KCTD1: variants seen among roughly 807,000 people sequenced by gnomAD.
The protein encoded by KCTD1 is potassium channel tetramerization domain containing 1.
KCTD1 carries 24 observed loss-of-function variants against 66.0 expected under a neutral mutation model. That is an observed-to-expected ratio of 0.36 (90% CI 0.26 to 0.51). The LOEUF is 0.51. Among genes scored for constraint, KCTD1 ranks in the 20% least tolerant of loss-of-function variants. The pLI is 0.95. For synonymous variants in KCTD1, 511 were observed against 517.2 expected (o/e 0.99, Z 0.16); for missense variants, 943 against 1,205.2 (o/e 0.78, Z 3.22).
rs1987167450 is a variant in KCTD1 at position 26,612,920 on chromosome 18, G to T, written c.-16+16227C>A. On this transcript the variant is annotated intron_variant, in intron 1 of 4. Coordinates refer to the KCTD1 transcript ENST00000317932. ...TTGTTTTAGGTGGAAGGGTAAATGT[G>T]GTCCTTGTTATTATTGTTTGTTGGC... Among the ~76,000 whole-genome samples, 3 of 152,080 alleles carry T rather than the reference G, an allele frequency of 2.0e-5. No individual in the cohort carries two copies. The East Asian group carries it at 5.8e-4, about 29-fold the overall frequency.
chr18:26,473,154 A>G (rs1458046395), intron 3 of KCTD1, among the ~76,000 whole-genome samples: 1 of 152,146 alleles, frequency 6.6e-6, no homozygotes, highest in East Asian at 1.9e-4. Flanking sequence ...AACTGTATAT[A>G]CTATATTGAA....
At chr18:26,570,191 A>AAAAAATATATAT (rs776923644) in intron 1 of KCTD1, among the ~76,000 whole-genome samples, 7 of 132,528 alleles carry the variant, frequency 5.3e-5, no homozygotes, top group Admixed American at 2.4e-4. Flanking sequence ...ATCTAAAAAA[A>AAAAAATATATAT]ATATATATAT....
chr18:26,641,086 C>G (rs1301214459), upstream of KCTD1, among the ~76,000 whole-genome samples: 1 of 152,162 alleles, frequency 6.6e-6, no homozygotes, highest in African/African-American at 2.4e-5. Flanking sequence ...ACCTGCAGTT[C>G]ATCTCACTGT....
In KCTD1 at chr18:26,547,062, G is replaced by A. The variant is rs1985270037; in HGVS notation, c.1475C>T (p.Ser492Phe). 2.9e-6 allele frequency: 4 copies of A among 1,397,662 alleles called. No homozygotes were observed. The highest frequency in any genetic ancestry group is 2.0e-6 in the Non-Finnish European group (2 of 1,025,410). 86.6% of individuals were successfully genotyped at this position (1,397,662 alleles called of 1,614,324 possible). Residue 492 changes from serine (S) to phenylalanine (F), a missense_variant, in exon 1 of 5, where the codon TCC (serine) becomes TTC (phenylalanine). Around this residue, in one of 10 missense-constraint regions of KCTD1, gnomAD observed 197 missense variants for 182.7 expected, o/e 1.08. Transcript: ENST00000580059. ...EALNGAARHH[S>F]HHPPTHPSHH... ...GGAGGGATGGGTGGGGGGGTGGTGGGAGTGGTGCCGTGCCGCCCCGTTCAG... is the reference window on the plus strand; with the variant it reads ...GGAGGGATGGGTGGGGGGGTGGTGGAAGTGGTGCCGTGCCGCCCCGTTCAG...
intron 1 of KCTD1, among the ~76,000 whole-genome samples, chr18:26,592,019 T>C (rs932099597): frequency 6.6e-6 from 1 of 152,238 alleles, no homozygotes; most frequent in Non-Finnish European, 1.5e-5. Flanking sequence ...AGTTACTGTG[T>C]AAGTAACTAC....
exon 1 of KCTD1, chr18:26,629,163 G>A: frequency 1.0e-6 from 1 of 984,908 alleles, no homozygotes; most frequent in South Asian, 4.7e-5. Flanking sequence ...TGATGGATTT[G>A]CCTTTATTCA....
At chr18:26,655,243 G>A (rs1056893415) in intron 1 of KCTD1, among the ~76,000 whole-genome samples, 11 of 152,188 alleles carry the variant, frequency 7.2e-5, no homozygotes, top group African/African-American at 2.7e-4. Context: ...CTCTTAAGGA[G>A]TCTACTGCTG....
At chr18:26,657,042 C>G (rs1377599306) in intron 1 of KCTD1, among the ~76,000 whole-genome samples, 1 of 150,646 alleles carries the variant, frequency 6.6e-6, no homozygotes, top group Non-Finnish European at 1.5e-5. Flanking sequence ...CCCAGAGATC[C>G]GGAAACCCGG....
chr18:26,578,731 T>C (rs1057502699), intron 1 of KCTD1, among the ~76,000 whole-genome samples: 3 of 152,222 alleles, frequency 2.0e-5, no homozygotes, highest in Non-Finnish European at 4.4e-5. Flanking sequence ...CATAATTACA[T>C]ATGACTTCTC....
upstream of KCTD1, chr18:26,549,694 C>T: frequency 5.1e-6 from 5 of 984,286 alleles, no homozygotes; most frequent in Non-Finnish European, 6.0e-6. Flanking sequence ...GCCGCAGCCA[C>T]AATTCGGCAA....
At chr18:26,483,353 C>T (rs1462129655) in intron 2 of KCTD1, among the ~76,000 whole-genome samples, 2 of 152,188 alleles carry the variant, frequency 1.3e-5, no homozygotes, top group Non-Finnish European at 2.9e-5. Flanking sequence ...ACTGCAACCT[C>T]TGCCTCCTGG....
chr18:26,566,925 C>T (rs1443711522), intron 1 of KCTD1: 2 of 151,852 alleles, frequency 1.3e-5, no homozygotes, highest in East Asian at 3.9e-4. Context: ...GATTTGTGCC[C>T]CAGTGTCCCT....
chr18:26,524,194 G>C (rs1395899082), intron 1 of KCTD1, among the ~76,000 whole-genome samples: 2 of 152,222 alleles, frequency 1.3e-5, no homozygotes, highest in African/African-American at 4.8e-5. Context: ...CTTTCCAGCA[G>C]GGGTAGGGGG....
chr18:26,508,727 C>CTT lies in KCTD1; in HGVS notation c.1810-7478_1810-7477insAA, dbSNP rs1179858851. 3.3e-5 allele frequency among the ~76,000 whole-genome samples: 5 copies of CTT among 151,034 alleles called. No individual in the cohort carries two copies. The East Asian group carries it at 5.8e-4, about 18-fold the overall frequency. On this transcript the variant is annotated intron_variant, in intron 1 of 4. Coordinates refer to ENST00000580059, the MANE Select transcript of KCTD1 (RefSeq NM_001142730.3). ...AATATATTTCTCTCTCTCTCTCTCTCTCACACACACACACACACGCACAAC... is the reference window on the plus strand; with the variant it reads ...AATATATTTCTCTCTCTCTCTCTCTCTTTCACACACACACACACACGCACAAC...
chr18:26,527,333 T>C (rs1447805451), intron 1 of KCTD1, among the ~76,000 whole-genome samples: 1 of 152,196 alleles, frequency 6.6e-6, no homozygotes, highest in East Asian at 1.9e-4. Flanking sequence ...AATGACTTAC[T>C]GCTTTAGTGT....
intron 1 of KCTD1, among the ~76,000 whole-genome samples, chr18:26,510,097 G>A (rs1983258913): frequency 6.6e-6 from 1 of 152,222 alleles, no homozygotes; most frequent in Non-Finnish European, 1.5e-5. Flanking sequence ...TATGGGCCTA[G>A]CGAGAAGTAC....
intron 1 of KCTD1, among the ~76,000 whole-genome samples, chr18:26,616,353 T>A (rs1235586516): frequency 6.6e-6 from 1 of 152,046 alleles, no homozygotes; most frequent in Non-Finnish European, 1.5e-5. Context: ...TTGTTTTATA[T>A]GTTCCTACCA....
intron 2 of KCTD1, among the ~76,000 whole-genome samples, chr18:26,489,025 C>T (rs558457060): frequency 2.0e-5 from 3 of 152,310 alleles, no homozygotes; most frequent in South Asian, 2.1e-4. Context: ...ACACACACCT[C>T]GTAAGATTAC....
intron 1 of KCTD1, among the ~76,000 whole-genome samples, chr18:26,646,354 G>C (rs1987926880): frequency 1.3e-5 from 2 of 152,026 alleles, no homozygotes; most frequent in Admixed American, 1.3e-4. Context: ...TTTGACGGAG[G>C]CACCAAAAAA....
Sources: gnomAD v4.1 joint callset for allele counts (sites outside exome capture counted in the v4.1 genomes callset) on GRCh38, gnomAD v4.1.1 for gene constraint, gnomAD v4.1.1 regional missense constraint, MANE v1.5 for transcripts, NCBI Gene and HGNC (gene_info 2026-07-23, HGNC 2026-07-21) for gene names.